The following DEPDC5 variants were observed in gnomAD, a reference collection of about 807,000 sequenced individuals.
DEPDC5 encodes GATOR1 complex protein DEPDC5.
DEPDC5 carries 73 observed loss-of-function variants against 217.3 expected under a neutral mutation model. That is an observed-to-expected ratio of 0.34 (90% CI 0.28 to 0.41). The LOEUF (loss-of-function observed/expected upper bound fraction) is 0.41. Ranked by LOEUF, DEPDC5 falls within the 10% of genes least tolerant of loss-of-function variation. The pLI is 1.00. For missense variants in DEPDC5, 1,675 were observed against 2,070.1 expected (o/e 0.81, Z 3.70); for synonymous variants, 733 against 756.7 (o/e 0.97, Z 0.51).
At chr22:31,856,153 G>A (rs942389097) in intron 31 of DEPDC5, among the ~76,000 whole-genome samples, 8 of 108,166 alleles carry the variant, frequency 7.4e-5, no homozygotes, top group Non-Finnish European at 1.2e-4. Context: ...TTGGGCCAAC[G>A]CGCACACACA....
intron 10 of DEPDC5, among the ~76,000 whole-genome samples, chr22:31,786,315 G>T (rs1310850539): frequency 2.6e-5 from 4 of 151,330 alleles, no homozygotes; most frequent in Non-Finnish European, 5.9e-5. Flanking sequence ...TGGCTCATGG[G>T]AGGCGGAGGT....
At chr22:31,871,911 C>CATTGA (rs2092855573) in intron 34 of DEPDC5, among the ~76,000 whole-genome samples, 2 of 152,228 alleles carry the variant, frequency 1.3e-5, no homozygotes, top group Non-Finnish European at 2.9e-5. Flanking sequence ...GATGTTCACA[C>CATTGA]AGATAGGACA....
At chr22:31,851,822 G>T (rs769950354) in intron 31 of DEPDC5, among the ~76,000 whole-genome samples, 1 of 152,222 alleles carries the variant, frequency 6.6e-6, no homozygotes, top group Non-Finnish European at 1.5e-5. Flanking sequence ...GAATTGGAAA[G>T]ACAGTGTGGG....
At chr22:31,889,878 T>C (rs909914655) in intron 38 of DEPDC5, among the ~76,000 whole-genome samples, 3 of 152,146 alleles carry the variant, frequency 2.0e-5, no homozygotes, top group Non-Finnish European at 4.4e-5. Context: ...CAGGAATCCA[T>C]AACATGAAGC....
In DEPDC5 at chr22:31,766,679, A is replaced by AT. The variant is rs529780938; in HGVS notation, c.363+19dup. ...CTAAAGAAAAGTTTGGTAAGATGTG[A>AT]TTTTTTTTGAAAGTCTGTTACTTTT... On this transcript the variant is annotated intron_variant, in intron 6 of 42. Transcript: ENST00000651528. 2.3e-4 allele frequency: 373 copies of AT among 1,609,826 alleles called. 1 individual carries two copies. The South Asian group carries it at 3.7e-3, about 16-fold the overall frequency.
At position 31,756,337 on chromosome 22, in the gene DEPDC5, A is replaced by G. The variant is rs147698869; in HGVS notation, c.58+1358A>G. Among the ~76,000 whole-genome samples the G allele has an allele frequency of 3.8e-3, 582 of 152,330 alleles. 2 individuals carry two copies. The highest frequency in any genetic ancestry group is 6.6e-3 in the Non-Finnish European group (447 of 68,024). ...GTAAAGTGATACATGTAATGCATTT[A>G]GCAGAGTGTTAGACTCTGTGCTCAA... is the stretch of plus-strand genomic sequence containing the variant. On this transcript the variant is annotated intron_variant, in intron 2 of 42. Coordinates refer to ENST00000651528, the MANE Select transcript of DEPDC5 (RefSeq NM_001242896.3).
At chr22:31,799,463 G>T (rs1174566048) in intron 14 of DEPDC5, among the ~76,000 whole-genome samples, 2 of 150,984 alleles carry the variant, frequency 1.3e-5, no homozygotes. Context: ...ATCTGCATTA[G>T]GTATTTCTCT....
intron 24 of DEPDC5, among the ~76,000 whole-genome samples, chr22:31,824,181 A>G (rs773046852): frequency 6.9e-4 from 105 of 152,186 alleles, no homozygotes; most frequent in Non-Finnish European, 2.1e-4. Flanking sequence ...CCCCATCTCT[A>G]CTAAAAATAC....
intron 41 of DEPDC5, among the ~76,000 whole-genome samples, chr22:31,903,782 G>A (rs998939179): frequency 1.3e-5 from 2 of 148,894 alleles, no homozygotes; most frequent in East Asian, 4.0e-4. Context: ...TCTTCCTCCA[G>A]GGATTCCCAA....
At chr22:31,783,351 C>G (rs761279745) in intron 8 of DEPDC5, among the ~76,000 whole-genome samples, 1 of 152,154 alleles carries the variant, frequency 6.6e-6, no homozygotes, top group Non-Finnish European at 1.5e-5. Flanking sequence ...GCTGTTAACA[C>G]TCACCATGAA....
chr22:31,822,620 C>T (rs1350637792), intron 23 of DEPDC5, 73 bp from the exon 24 acceptor site: 26 of 1,456,836 alleles, frequency 1.8e-5, no homozygotes, highest in South Asian at 8.2e-5. Context: ...CTCCCACCCC[C>T]GGGATATAGG....
chr22:31,768,480 T>A (rs777477751), intron 6 of DEPDC5, among the ~76,000 whole-genome samples: 3 of 152,202 alleles, frequency 2.0e-5, no homozygotes, highest in Non-Finnish European at 4.4e-5. Context: ...AACACAATAT[T>A]TAAATGAGTA....
At chr22:31,759,490 C>G (rs941174877) in intron 3 of DEPDC5, among the ~76,000 whole-genome samples, 2 of 151,436 alleles carry the variant, frequency 1.3e-5, no homozygotes, top group African/African-American at 2.4e-5. Context: ...TCTCCTGCCT[C>G]AGCCTCCTGA....
In DEPDC5 at chr22:31,906,422, C is replaced by T. The variant is rs2093760612; in HGVS notation, c.4737C>T (p.Phe1579=). The T allele has an allele frequency of 6.2e-7, 1 of 1,613,992 alleles. No homozygotes were observed. Among genetic ancestry groups the T allele is most frequent in the African/African-American group, 1.3e-5 (1 of 74,958 alleles). The change falls in exon 43 of 43, where the codon TTC becomes TTT. Residue 1579 remains phenylalanine (F), a synonymous_variant. Coordinates refer to ENST00000651528, the MANE Select transcript of DEPDC5 (RefSeq NM_001242896.3). This position sits in a 1 kb window ranked among gnomAD's most constrained non-coding sequence, Gnocchi z 5.1. ...GGCTGCTGAAGGACTTCACGGACTT[C>T]TGCATCAACCGTGACAACCGGCTGG... ...ADRLLKDFTD[F]CINRDNRLVT...
chr22:31,877,436 C>CAGAAAA (rs2093027715), intron 37 of DEPDC5, among the ~76,000 whole-genome samples: 1 of 21,004 alleles, frequency 4.8e-5, no homozygotes, highest in African/African-American at 1.4e-4. Context: ...GACTCCATCT[C>CAGAAAA]AAAAAAAAAA....
chr22:31,770,343 A>C (rs910907796), intron 7 of DEPDC5, among the ~76,000 whole-genome samples: 2 of 151,512 alleles, frequency 1.3e-5, no homozygotes, highest in South Asian at 2.1e-4. Flanking sequence ...CTTTCCTGAA[A>C]TTTACTGTGT....
chr22:31,840,959 G>A (rs372734988), intron 27 of DEPDC5, among the ~76,000 whole-genome samples: 14 of 152,180 alleles, frequency 9.2e-5, no homozygotes, highest in African/African-American at 3.1e-4. Flanking sequence ...TACCATGCAG[G>A]ATAAACACAG....
intron 32 of DEPDC5, chr22:31,858,184 G>C (rs1159941028): frequency 2.0e-5 from 3 of 152,242 alleles, no homozygotes; most frequent in Non-Finnish European, 4.4e-5. Flanking sequence ...GGAATAGAAA[G>C]CTACTGAAGT....
At position 31,905,909 on chromosome 22, in the gene DEPDC5, T is replaced by C. The variant is rs1004864782; in HGVS notation, c.4437-75T>C. 9.1e-6 allele frequency: 12 copies of C among 1,318,864 alleles called. No individual in the cohort carries two copies. In the African/African-American group the frequency reaches 1.3e-4, roughly 14 times the overall value. The allele number at this position is 1,318,864 out of a possible 1,614,324, so 81.7% of individuals were successfully genotyped here. ...TGTGTCTCAGGCTGTCCGAGAGTCCTATCAGCTACATTCTCTTCCCTTGCC... is the reference window on the plus strand; with the variant it reads ...TGTGTCTCAGGCTGTCCGAGAGTCCCATCAGCTACATTCTCTTCCCTTGCC... On this transcript the variant is annotated intron_variant, in intron 41 of 42. Transcript: ENST00000651528.
Sources: allele counts gnomAD v4.1 joint callset (sites outside exome capture counted in the v4.1 genomes callset), GRCh38; gene constraint gnomAD v4.1.1; non-coding constraint Gnocchi (gnomAD v3.1); transcripts MANE v1.5; gene names NCBI Gene and HGNC (gene_info 2026-07-23, HGNC 2026-07-21).